Variants in GNAL observed in about 807,000 individuals in gnomAD.
The protein encoded by GNAL is G protein subunit alpha L.
In GNAL, 18 loss-of-function variants were observed where a neutral mutation model predicts 55.1. The observed-to-expected ratio is 0.33, with a 90% CI of 0.23 to 0.48. GNAL has a LOEUF of 0.48. GNAL is among the 20% of genes least tolerant of loss of function. The probability of loss-of-function intolerance (pLI) is 0.99; values close to 1 mark genes in which losing one functional copy is unlikely to be tolerated. For synonymous variants in GNAL, 253 were observed against 237.0 expected (o/e 1.07, Z -0.62); for missense variants, 412 against 614.1 (o/e 0.67, Z 3.48).
At chr18:11,790,651 C>CTTTTTTTTTTT (rs1232488173) in intron 4 of GNAL, among the ~76,000 whole-genome samples, 22 of 83,338 alleles carry the variant, frequency 2.6e-4, no homozygotes, top group African/African-American at 3.8e-4. Context: ...CTTTTCTTTT[C>CTTTTTTTTTTT]TTTTTTTTTC....
intron 4 of GNAL, among the ~76,000 whole-genome samples, chr18:11,755,806 T>C (rs906809667): frequency 6.6e-6 from 1 of 152,074 alleles, no homozygotes; most frequent in African/African-American, 2.4e-5. Flanking sequence ...CAGAAGATGC[T>C]CCAGCCACAC....
intron 4 of GNAL, among the ~76,000 whole-genome samples, chr18:11,790,659 TTC>T (rs1436502917): frequency 0.013 from 786 of 61,612 alleles, 20 homozygotes; most frequent in African/African-American, 0.016. Context: ...TTCTTTTTTT[TTC>T]TTTTTTTTTT....
chr18:11,816,557 G>A (rs10153319), intron 4 of GNAL, among the ~76,000 whole-genome samples: 19,015 of 152,144 alleles, frequency 0.12, 1,385 homozygotes, highest in East Asian at 0.31. Context: ...GGCTCCCAAA[G>A]TGCTGGGATT....
intron 5 of GNAL, among the ~76,000 whole-genome samples, chr18:11,861,676 C>T (rs1598435700): frequency 6.6e-6 from 1 of 152,134 alleles, no homozygotes. Context: ...AGCTCGGCGG[C>T]CTCCCAGCTC....
chr18:11,866,636 G>A (rs1210836087), intron 7 of GNAL, among the ~76,000 whole-genome samples: 1 of 150,298 alleles, frequency 6.7e-6, no homozygotes, highest in Non-Finnish European at 1.5e-5. Flanking sequence ...CTGAATCCAG[G>A]CGTGATCAAG....
intron 4 of GNAL, among the ~76,000 whole-genome samples, chr18:11,799,112 C>CAA (rs111394630): frequency 5.5e-4 from 69 of 124,642 alleles, no homozygotes; most frequent in African/African-American, 1.8e-3. Flanking sequence ...GAGTCTGTCT[C>CAA]AAAAAAAAAA....
chr18:11,876,798 G>A (rs9675350), intron 11 of GNAL, 110 bp downstream of exon 11: 8 of 744,934 alleles, frequency 1.1e-5, no homozygotes, highest in Admixed American at 3.9e-5. Flanking sequence ...TTAACATTAC[G>A]AGCGATGACA....
rs747999584 is a variant in GNAL at position 11,689,920 on chromosome 18, G to T, written c.357G>T (p.Thr119=). 6.2e-5 allele frequency: 89 copies of T among 1,427,222 alleles called. No individual in the cohort carries two copies. Among genetic ancestry groups the T allele is most frequent in the Middle Eastern group, 3.8e-4 (2 of 5,282 alleles). The allele number at this position is 1,427,222 out of a possible 1,614,324, so 88.4% of individuals were successfully genotyped here. Residue 119 remains threonine (T), a synonymous_variant, in exon 1 of 12, where the codon ACG becomes ACT. Coordinates refer to ENST00000334049, the MANE Select transcript of GNAL (RefSeq NM_182978.4). ...ACCAGAAGCGCGACCTGCAGCAGAC[G>T]CACCGGCTCCTGCTGCTCGGTAGGT... ...LRDQKRDLQQ[T]HRLLLLGAGE... is the part of the protein sequence containing the mutation.
intron 2 of GNAL, among the ~76,000 whole-genome samples, chr18:11,753,167 A>G (rs1245315945): frequency 6.6e-6 from 1 of 152,128 alleles, no homozygotes; most frequent in Non-Finnish European, 1.5e-5. Context: ...TGGAGTGTTG[A>G]TCTGTATTAC....
intron 1 of GNAL, among the ~76,000 whole-genome samples, chr18:11,716,110 A>G (rs1381838684): frequency 6.6e-6 from 1 of 152,242 alleles, no homozygotes; most frequent in Non-Finnish European, 1.5e-5. Context: ...CAAAGACCTA[A>G]AAACAGAACT....
At chr18:11,862,264 A>G in intron 5 of GNAL, 131 bp from the exon 6 acceptor site, 1 of 620,426 alleles carries the variant, frequency 1.6e-6, no homozygotes, top group Non-Finnish European at 3.0e-6. Context: ...GAAACAAAGT[A>G]AGAACTCACT....
At chr18:11,717,195 G>T (rs1197793287) in intron 1 of GNAL, among the ~76,000 whole-genome samples, 1 of 152,218 alleles carries the variant, frequency 6.6e-6, no homozygotes, top group African/African-American at 2.4e-5. Flanking sequence ...GGAGCCAGCC[G>T]GCCGCTCCCA....
chr18:11,695,925 C>T (rs1254330245), intron 1 of GNAL, among the ~76,000 whole-genome samples: 10 of 135,148 alleles, frequency 7.4e-5, no homozygotes, highest in African/African-American at 1.6e-4. Flanking sequence ...CACGCATGCA[C>T]ACACACACAC....
intron 1 of GNAL, among the ~76,000 whole-genome samples, chr18:11,711,926 T>C (rs1032694377): frequency 1.3e-5 from 2 of 152,270 alleles, no homozygotes; most frequent in Admixed American, 6.5e-5. Context: ...TTTCTGTGGA[T>C]GTGTCTTCCC....
intron 4 of GNAL, among the ~76,000 whole-genome samples, chr18:11,758,200 G>A (rs1056785301): frequency 2.6e-5 from 4 of 152,222 alleles, no homozygotes; most frequent in African/African-American, 9.6e-5. Context: ...CACTTGAGAA[G>A]GCAGAGAACA....
rs80037823 is a variant in GNAL, at chr18:11,839,596, C to T, written c.722+14581C>T. Among the ~76,000 whole-genome samples, 981 of 145,534 alleles carry T rather than the reference C, an allele frequency of 6.7e-3. 13 individuals are homozygous for T. The highest frequency in any genetic ancestry group is 0.023 in the African/African-American group (928 of 39,604). On this transcript the variant is annotated intron_variant, in intron 5 of 11. Coordinates refer to ENST00000334049, the MANE Select transcript of GNAL (RefSeq NM_182978.4). ...TTTTTTTCTTTAAAGCTCAGATAGA[C>T]GTAAGCATAATATCTCTTCATAGCA...
chr18:11,765,949 G>A (rs1211536720), intron 4 of GNAL, among the ~76,000 whole-genome samples: 2 of 152,180 alleles, frequency 1.3e-5, no homozygotes. Flanking sequence ...CTTTTCAGAA[G>A]AATATGGCGT....
At chr18:11,822,282 C>G (rs904714711) in intron 4 of GNAL, among the ~76,000 whole-genome samples, 1 of 152,146 alleles carries the variant, frequency 6.6e-6, no homozygotes, top group Admixed American at 6.5e-5. Flanking sequence ...CCCATCCCCC[C>G]CACCGCCAAA....
chr18:11,819,827 T>G (rs564449759), intron 4 of GNAL, among the ~76,000 whole-genome samples: 1 of 152,000 alleles, frequency 6.6e-6, no homozygotes, highest in Non-Finnish European at 1.5e-5. Context: ...ATGTATGAGA[T>G]CTATAGGGAA....
Sources: gnomAD v4.1 joint callset for allele counts (sites outside exome capture counted in the v4.1 genomes callset) on GRCh38, gnomAD v4.1.1 for gene constraint, MANE v1.5 for transcripts, NCBI Gene and HGNC (gene_info 2026-07-23, HGNC 2026-07-21) for gene names.